KLF12: variants seen among roughly 807,000 people sequenced by gnomAD.
KLF12 encodes the protein Krueppel-like factor 12.
In KLF12, 9 loss-of-function variants were observed where a neutral mutation model predicts 37.8. The observed-to-expected ratio is 0.24, with a 90% confidence interval of 0.14 to 0.42. The LOEUF (loss-of-function observed/expected upper bound fraction) is 0.42. KLF12 is among the 10% of genes least tolerant of loss of function. The pLI is 1.00. For missense variants in KLF12, 411 were observed against 516.0 expected (o/e 0.80, Z 1.97); for synonymous variants, 208 against 202.1 (o/e 1.03, Z -0.25).
the KLF12 span, among the ~76,000 whole-genome samples, chr13:74,291,228 A>T: frequency 6.6e-6 from 1 of 152,248 alleles, no homozygotes; most frequent in African/African-American, 2.4e-5. Flanking sequence ...TTTCTGAGGA[A>T]ATGCCTATAA....
chr13:73,781,839 T>TA (rs199597540), intron 5 of KLF12, among the ~76,000 whole-genome samples: 1,840 of 151,836 alleles, frequency 0.012, 37 homozygotes, highest in African/African-American at 0.042. Context: ...ATGCCACAAT[T>TA]AAAAAAAAGA....
At chr13:73,941,335 T>C (rs892170077) in intron 3 of KLF12, among the ~76,000 whole-genome samples, 1 of 152,150 alleles carries the variant, frequency 6.6e-6, no homozygotes, top group African/African-American at 2.4e-5. Flanking sequence ...TGCAGGAGGA[T>C]CACTTGAACC....
chr13:74,021,636 T>G (rs1447982529), intron 1 of KLF12, among the ~76,000 whole-genome samples: 1 of 152,112 alleles, frequency 6.6e-6, no homozygotes, highest in African/African-American at 2.4e-5. Context: ...TCATAGTCTG[T>G]GTATTTACAT....
In KLF12 at chr13:73,688,165, A is replaced by C. The variant is rs1033903735; in HGVS notation, c.*7325T>G. ...CATTCTCTTAATGTTTTCTAAGTCCATTAGTACTTCCATGAATCAATACTG... is the reference window on the plus strand; with the variant it reads ...CATTCTCTTAATGTTTTCTAAGTCCCTTAGTACTTCCATGAATCAATACTG... On this transcript the variant is annotated 3_prime_UTR_variant, in exon 8 of 8. Coordinates refer to ENST00000377669, the MANE Select transcript of KLF12 (RefSeq NM_007249.5). The C allele has an allele frequency of 6.6e-6, 1 of 152,646 alleles. No individual in the cohort carries two copies. The highest frequency in any genetic ancestry group is 1.5e-5 in the Non-Finnish European group (1 of 68,042). The allele number at this position is 152,646 out of a possible 1,614,324, so 9.5% of individuals were successfully genotyped here. A position where few individuals can be genotyped will look rare whatever the true frequency, so the allele number is the denominator to read the frequency against.
At chr13:73,778,485 G>A (rs1001891253) in intron 5 of KLF12, among the ~76,000 whole-genome samples, 6 of 152,004 alleles carry the variant, frequency 3.9e-5, no homozygotes, top group Admixed American at 6.6e-5. Context: ...TCAGCCTCCC[G>A]AGTAGCTGGG....
At chr13:74,274,804 A>T in the KLF12 span, among the ~76,000 whole-genome samples, 1 of 151,692 alleles carries the variant, frequency 6.6e-6, no homozygotes, top group South Asian at 2.1e-4. Context: ...TATTCCTCTT[A>T]CATGTCATAG....
At chr13:74,180,318 C>T in the KLF12 span, among the ~76,000 whole-genome samples, 1 of 152,194 alleles carries the variant, frequency 6.6e-6, no homozygotes, top group Non-Finnish European at 1.5e-5. Flanking sequence ...AATTGAAATA[C>T]TTGCCATTGA....
upstream of KLF12, among the ~76,000 whole-genome samples, chr13:74,134,462 A>C (rs1379959795): frequency 2.0e-5 from 3 of 151,862 alleles, no homozygotes; most frequent in African/African-American, 7.3e-5. Context: ...GGTAGAAGGC[A>C]ACACCCACTG....
At chr13:73,780,239 T>C (rs1021444884) in intron 5 of KLF12, among the ~76,000 whole-genome samples, 1 of 152,200 alleles carries the variant, frequency 6.6e-6, no homozygotes, top group Admixed American at 6.5e-5. Flanking sequence ...ATTTCTTTTT[T>C]CTTTTTTAAA....
chr13:74,279,452 A>T, the KLF12 span, among the ~76,000 whole-genome samples: 877 of 150,180 alleles, frequency 5.8e-3, 7 homozygotes, highest in African/African-American at 0.019. Flanking sequence ...GGTAAGAAAA[A>T]TTTTTTTTTT....
At chr13:74,068,118 T>A (rs1404854720) in intron 1 of KLF12, among the ~76,000 whole-genome samples, 1 of 152,172 alleles carries the variant, frequency 6.6e-6, no homozygotes, top group Non-Finnish European at 1.5e-5. Context: ...TAATAAGAGG[T>A]TTTTATCCTA....
chr13:73,784,523 C>CG (rs397945791), intron 5 of KLF12, among the ~76,000 whole-genome samples: 8 of 151,998 alleles, frequency 5.3e-5, no homozygotes, highest in African/African-American at 1.9e-4. Flanking sequence ...GCTGACCCCC[C>CG]ACTCCGCACA....
At chr13:73,814,879 A>G (rs960096668) in intron 4 of KLF12, among the ~76,000 whole-genome samples, 1 of 152,150 alleles carries the variant, frequency 6.6e-6, no homozygotes, top group East Asian at 1.9e-4. Context: ...CCAAAATGGC[A>G]GAAGTACCCA....
At chr13:73,916,220 CA>C (rs1888825518) in intron 3 of KLF12, among the ~76,000 whole-genome samples, 3 of 35,162 alleles carry the variant, frequency 8.5e-5, no homozygotes, top group African/African-American at 1.6e-4. Flanking sequence ...CACACACACA[CA>C]CACACACACA....
intron 3 of KLF12, among the ~76,000 whole-genome samples, chr13:73,923,131 T>A (rs1343094184): frequency 6.6e-6 from 1 of 152,154 alleles, no homozygotes; most frequent in Non-Finnish European, 1.5e-5. Context: ...ATTTTTTTTA[T>A]CTTCTAAATG....
intron 3 of KLF12, among the ~76,000 whole-genome samples, chr13:73,911,293 A>G (rs1566454057): frequency 1.3e-5 from 2 of 152,298 alleles, no homozygotes; most frequent in Admixed American, 6.5e-5. Context: ...CAAGAGCATA[A>G]GGTATGGTGT....
the KLF12 span, among the ~76,000 whole-genome samples, chr13:74,209,916 C>T: frequency 6.6e-6 from 1 of 152,234 alleles, no homozygotes; most frequent in South Asian, 2.1e-4. Flanking sequence ...AAAGTTGACA[C>T]CTAATTTATT....
chr13:73,980,091 A>T (rs1891654066), intron 2 of KLF12, among the ~76,000 whole-genome samples: 1 of 152,334 alleles, frequency 6.6e-6, no homozygotes, highest in Admixed American at 6.5e-5. Context: ...TTAAGTCATG[A>T]AATCTGTGGT....
At chr13:73,743,643 T>G (rs999532010) in intron 6 of KLF12, among the ~76,000 whole-genome samples, 2 of 152,216 alleles carry the variant, frequency 1.3e-5, no homozygotes, top group African/African-American at 4.8e-5. Flanking sequence ...TCTGAAAAGA[T>G]ATAGCATGCA....
Sources: allele counts gnomAD v4.1 joint callset (sites outside exome capture counted in the v4.1 genomes callset), GRCh38; gene constraint gnomAD v4.1.1; transcripts MANE v1.5; gene names NCBI Gene and HGNC (gene_info 2026-07-23, HGNC 2026-07-21).